Variants in INVS observed in about 807,000 individuals in gnomAD.
INVS encodes the protein inversin.
A neutral mutation model predicts 108.8 loss-of-function variants in INVS; 86 were observed. The observed-to-expected ratio is 0.79, with a 90% CI of 0.66 to 0.95. INVS has a LOEUF of 0.95. INVS is among the 40% of genes least tolerant of loss of function. The pLI, the probability that INVS is intolerant of heterozygous loss-of-function variation, is 0.00. For synonymous variants in INVS, 455 were observed against 473.5 expected (o/e 0.96, Z 0.51); for missense variants, 1,169 against 1,297.4 (o/e 0.90, Z 1.52).
At chr9:100,108,264 T>G (rs760916934) in intron 2 of INVS, among the ~76,000 whole-genome samples, 5 of 152,172 alleles carry the variant, frequency 3.3e-5, no homozygotes, top group Non-Finnish European at 5.9e-5. Flanking sequence ...CAAAAAGCAA[T>G]CATGATGTGA....
rs1470658749 is a variant in INVS at position 100,116,094 on chromosome 9, CTTTCTTTTT to C, written c.107-10276_107-10268del. On this transcript the variant is annotated intron_variant, in intron 2 of 16. Coordinates refer to ENST00000262457, the MANE Select transcript of INVS (RefSeq NM_014425.5). The stretch of plus-strand genomic sequence containing the variant: ...TGTCTGTTGGCTTTTAATTTCTTTT[CTTTCTTTTT>C]TTTCTTTTTTTTTTTTTTGAGACAG... Among the ~76,000 whole-genome samples the C allele has an allele frequency of 1.2e-4, 17 of 138,538 alleles. No homozygotes were observed. The East Asian group carries it at 3.6e-3, about 30-fold the overall frequency. 90.9% of individuals were successfully genotyped at this position (138,538 alleles called of 152,430 possible).
intron 3 of INVS, among the ~76,000 whole-genome samples, chr9:100,162,097 T>G (rs1829209284): frequency 2.0e-5 from 3 of 152,132 alleles, no homozygotes; most frequent in Admixed American, 1.3e-4. Context: ...ATAGACTAAA[T>G]GGTATAATAA....
chr9:100,126,685 G>C (rs1482693100), intron 3 of INVS, 136 bp downstream of exon 3: 1 of 877,692 alleles, frequency 1.1e-6, no homozygotes, highest in East Asian at 2.6e-5. Flanking sequence ...TTCTCTAAAA[G>C]CTGTCTTTAA....
intron 3 of INVS, among the ~76,000 whole-genome samples, chr9:100,209,725 G>A (rs899123678): frequency 5.7e-5 from 8 of 139,756 alleles, no homozygotes; most frequent in East Asian, 4.3e-4. Flanking sequence ...AGCCGAGATC[G>A]CGCCACTGCA....
chr9:100,177,680 G>T (rs920876816), intron 3 of INVS, among the ~76,000 whole-genome samples: 2 of 152,234 alleles, frequency 1.3e-5, no homozygotes, highest in Non-Finnish European at 2.9e-5. Context: ...CCTGAGGGAA[G>T]GGGCAGCTGT....
At chr9:100,278,150 G>T (rs896656703) in intron 12 of INVS, among the ~76,000 whole-genome samples, 1 of 149,232 alleles carries the variant, frequency 6.7e-6, no homozygotes, top group Non-Finnish European at 1.5e-5. Flanking sequence ...AAGATCACTT[G>T]AGCCAGGGAG....
At chr9:100,272,786 T>A in intron 11 of INVS, 78 bp from the exon 12 acceptor site, 4 of 1,303,758 alleles carry the variant, frequency 3.1e-6, no homozygotes, top group Non-Finnish European at 4.4e-6. Context: ...TTCTGCTGCA[T>A]AATAATATTT....
At chr9:100,261,617 C>A (rs1465952179) in intron 10 of INVS, among the ~76,000 whole-genome samples, 1 of 152,090 alleles carries the variant, frequency 6.6e-6, no homozygotes, top group Non-Finnish European at 1.5e-5. Context: ...ACCAAGTTGC[C>A]AGTTTTTTAC....
At chr9:100,213,446 TC>T (rs1830895945) in intron 3 of INVS, among the ~76,000 whole-genome samples, 6 of 152,128 alleles carry the variant, frequency 3.9e-5, no homozygotes, top group Admixed American at 3.3e-4. Context: ...GCTCGAGTGA[TC>T]TGCCCACCTT....
At chr9:100,235,461 G>A (rs958423002) in intron 5 of INVS, among the ~76,000 whole-genome samples, 2 of 152,066 alleles carry the variant, frequency 1.3e-5, no homozygotes, top group African/African-American at 4.8e-5. Context: ...TCATAGTATG[G>A]TTGGTCTTTA....
chr9:100,163,249 A>G (rs1034539182), intron 3 of INVS, among the ~76,000 whole-genome samples: 10 of 151,214 alleles, frequency 6.6e-5, no homozygotes, highest in Non-Finnish European at 2.9e-5. Flanking sequence ...AAATGAGGAA[A>G]CAGTCAAATC....
At chr9:100,250,586 C>A (rs934744017) in intron 8 of INVS, among the ~76,000 whole-genome samples, 1 of 152,144 alleles carries the variant, frequency 6.6e-6, no homozygotes, top group East Asian at 1.9e-4. Flanking sequence ...GACAAAGATT[C>A]TATGTCAAAT....
chr9:100,239,350 C>T (rs1831792060), intron 5 of INVS, among the ~76,000 whole-genome samples: 1 of 152,052 alleles, frequency 6.6e-6, no homozygotes, highest in Non-Finnish European at 1.5e-5. Context: ...GAAAGAATTG[C>T]CAAAGGATAC....
intron 10 of INVS, among the ~76,000 whole-genome samples, chr9:100,260,882 G>C (rs563645178): frequency 6.6e-6 from 1 of 151,996 alleles, no homozygotes; most frequent in Non-Finnish European, 1.5e-5. Context: ...TTTCCTTTGG[G>C]ATTATCGCAT....
chr9:100,226,676 G>A (rs1224380289), intron 4 of INVS, among the ~76,000 whole-genome samples: 1 of 152,038 alleles, frequency 6.6e-6, no homozygotes, highest in African/African-American at 2.4e-5. Context: ...AGCCGGGCAT[G>A]TTGGCATGCG....
chr9:100,291,224 C>T (rs139642427), intron 13 of INVS, among the ~76,000 whole-genome samples: 426 of 152,178 alleles, frequency 2.8e-3, no homozygotes, highest in Middle Eastern at 0.01. Flanking sequence ...CCACCATGCC[C>T]AGCTAATTTT....
At chr9:100,227,112 A>C (rs1350711868) in intron 4 of INVS, among the ~76,000 whole-genome samples, 1 of 152,240 alleles carries the variant, frequency 6.6e-6, no homozygotes, top group African/African-American at 2.4e-5. Context: ...TCAGCATAGT[A>C]TTACATTTCA....
chr9:100,155,946 A>G (rs577556413), intron 3 of INVS, among the ~76,000 whole-genome samples: 1 of 152,368 alleles, frequency 6.6e-6, no homozygotes, highest in Admixed American at 6.5e-5. Context: ...CTACTGAAAA[A>G]GCCTAGAAGT....
intron 10 of INVS, among the ~76,000 whole-genome samples, chr9:100,254,036 T>G (rs1832331733): frequency 6.6e-6 from 1 of 152,150 alleles, no homozygotes. Flanking sequence ...CCACCAACAG[T>G]GTAAAAGTGT....
Sources: allele counts gnomAD v4.1 joint callset (sites outside exome capture counted in the v4.1 genomes callset), GRCh38; gene constraint gnomAD v4.1.1; transcripts MANE v1.5; gene names NCBI Gene and HGNC (gene_info 2026-07-23, HGNC 2026-07-21).